The following LIPJ variants were observed in gnomAD, a reference collection of about 807,000 sequenced individuals.
The protein encoded by LIPJ is lipase family member J, also known as lipase member J.
Under a neutral mutation model 39.8 loss-of-function variants are expected in LIPJ, and 33 were observed. That is an observed-to-expected ratio of 0.83 (90% CI 0.63 to 1.11). The LOEUF (loss-of-function observed/expected upper bound fraction) is 1.11. Ranked by LOEUF, LIPJ falls within the 50% of genes least tolerant of loss-of-function variation. The pLI, the probability that LIPJ is intolerant of heterozygous loss-of-function variation, is 0.00. For missense variants in LIPJ, 422 were observed against 427.9 expected, an observed-to-expected ratio of 0.99 and a Z score of 0.12; for synonymous variants, 128 against 139.2, an observed-to-expected ratio of 0.92 and a Z score of 0.57.
chr10:88,613,791 T>TAC, the LIPJ span, among the ~76,000 whole-genome samples: 1 of 52,248 alleles, frequency 1.9e-5, no homozygotes, highest in East Asian at 7.0e-4. Flanking sequence ...TATATATATA[T>TAC]ATATATATAT....
intron 8 of LIPJ, among the ~76,000 whole-genome samples, chr10:88,600,403 A>G (rs1288376915): frequency 1.3e-5 from 2 of 150,192 alleles, no homozygotes; most frequent in Admixed American, 6.6e-5. Context: ...TTTTAAATCC[A>G]TCTAATAAAT....
intron 10 of LIPJ, among the ~76,000 whole-genome samples, chr10:88,606,163 G>A (rs577912349): frequency 1.3e-5 from 2 of 152,196 alleles, no homozygotes; most frequent in South Asian, 4.1e-4. Context: ...TGAAGTACTA[G>A]AACCCAAGTC....
intron 9 of LIPJ, among the ~76,000 whole-genome samples, chr10:88,603,017 G>A (rs773091548): frequency 2.6e-5 from 4 of 152,058 alleles, no homozygotes; most frequent in East Asian, 1.9e-4. Flanking sequence ...ACTTGAACCC[G>A]GGAGGTGGAG....
chr10:88,618,553 G>A, the LIPJ span: 1 of 152,410 alleles, frequency 6.6e-6, no homozygotes, highest in Admixed American at 6.5e-5. Context: ...TGGTTCTAAA[G>A]CCTCAGCATA....
intron 4 of LIPJ, chr10:88,593,029 T>C (rs988266624): frequency 1.3e-5 from 2 of 151,932 alleles, no homozygotes; most frequent in East Asian, 1.9e-4. Flanking sequence ...CACTTGTTCA[T>C]GTACAGTTAA....
chr10:88,616,642 G>A, the LIPJ span, among the ~76,000 whole-genome samples: 2 of 152,334 alleles, frequency 1.3e-5, no homozygotes, highest in East Asian at 3.9e-4. Context: ...CACCAATAAA[G>A]ACCAGGCCTG....
intron 8 of LIPJ, among the ~76,000 whole-genome samples, chr10:88,598,896 G>C (rs1232700671): frequency 6.8e-6 from 1 of 147,484 alleles, no homozygotes; most frequent in Non-Finnish European, 1.5e-5. Flanking sequence ...ATTTATACCT[G>C]AGTTTAAATT....
At chr10:88,613,063 T>C in the LIPJ span, among the ~76,000 whole-genome samples, 1 of 152,158 alleles carries the variant, frequency 6.6e-6, no homozygotes, top group Non-Finnish European at 1.5e-5. Context: ...GAATATTCAA[T>C]ATTTATGTGG....
the LIPJ span, among the ~76,000 whole-genome samples, chr10:88,613,800 A>ATGTG: frequency 5.3e-4 from 39 of 74,120 alleles, no homozygotes; most frequent in Middle Eastern, 0.014. Flanking sequence ...ATATATATAT[A>ATGTG]TGTGTGTGTG....
At chr10:88,591,405 C>T (rs1233317712) in exon 4 of LIPJ, 1 of 1,602,494 alleles carries the variant, frequency 6.2e-7, no homozygotes. Context: ...CTGGGGCTAC[C>T]CTGATGAAGA....
intron 2 of LIPJ, among the ~76,000 whole-genome samples, chr10:88,590,234 A>G (rs1342771690): frequency 1.3e-4 from 19 of 151,830 alleles, no homozygotes; most frequent in Non-Finnish European, 2.7e-4. Context: ...TTAGGCTGGT[A>G]ATAATACTAT....
chr10:88,583,344 G>C, upstream of LIPJ: 2 of 1,403,778 alleles, frequency 1.4e-6, no homozygotes, highest in Non-Finnish European at 1.8e-6. Flanking sequence ...CGGCCTGCAG[G>C]GGGCGGAAAG....
chr10:88,586,867 C>A (rs1278078687), intron 1 of LIPJ, 22 bp downstream of exon 1: 1 of 152,116 alleles, frequency 6.6e-6, no homozygotes, highest in African/African-American at 2.4e-5. Flanking sequence ...GGATAATGAT[C>A]AGTGACGTTG....
upstream of LIPJ, chr10:88,585,514 A>T (rs969570269): frequency 1.3e-5 from 2 of 152,238 alleles, no homozygotes; most frequent in Non-Finnish European, 2.9e-5. Context: ...AACAGTGAAC[A>T]GAATATGGTA....
chr10:88,596,485 TC>T, intron 7 of LIPJ, 69 bp downstream of exon 7: 3 of 1,403,098 alleles, frequency 2.1e-6, no homozygotes, highest in Non-Finnish European at 2.8e-6. Flanking sequence ...AAATAAGAGA[TC>T]TTGACTATAC....
At chr10:88,594,339 C>G in intron 5 of LIPJ, 195 bp downstream of exon 5, 2 of 563,724 alleles carry the variant, frequency 3.5e-6, no homozygotes, top group South Asian at 4.7e-5. Context: ...TACGTTTCAG[C>G]AATAATCTTT....
At chr10:88,596,978 T>TA in intron 8 of LIPJ, 42 bp downstream of exon 8, 2 of 1,149,094 alleles carry the variant, frequency 1.7e-6, no homozygotes, top group Non-Finnish European at 1.3e-6. Flanking sequence ...TTTTCCAATA[T>TA]TTGGAAAGTA....
chr10:88,618,367 G>A, the LIPJ span: 1 of 152,280 alleles, frequency 6.6e-6, no homozygotes, highest in Non-Finnish European at 1.5e-5. Flanking sequence ...GTATTTTCCA[G>A]CTGTATAGAT....
the LIPJ span, among the ~76,000 whole-genome samples, chr10:88,623,134 G>A: frequency 2.6e-5 from 4 of 152,120 alleles, no homozygotes; most frequent in African/African-American, 7.2e-5. Context: ...TTTCTGACTA[G>A]TCTGATTTGG....
Sources: gnomAD v4.1 joint callset for allele counts (sites outside exome capture counted in the v4.1 genomes callset) on GRCh38, gnomAD v4.1.1 for gene constraint, MANE v1.5 for transcripts, NCBI Gene and HGNC (gene_info 2026-07-23, HGNC 2026-07-21) for gene names.